C18orf63: variants seen among roughly 807,000 people sequenced by gnomAD.
The protein encoded by C18orf63 is uncharacterized protein C18orf63.
In C18orf63, 50 loss-of-function variants were observed where a neutral mutation model predicts 75.3. The observed-to-expected ratio is 0.66, with a 90% CI of 0.53 to 0.84. The LOEUF (loss-of-function observed/expected upper bound fraction) is 0.84, where lower values mean the gene tolerates loss of function less well. C18orf63 is among the 40% of genes least tolerant of loss of function. The probability of loss-of-function intolerance (pLI) is 0.00; values close to 1 mark genes in which losing one functional copy is unlikely to be tolerated. For synonymous variants in C18orf63, 232 were observed against 267.6 expected (o/e 0.87, Z 1.30); for missense variants, 732 against 800.2 (o/e 0.91, Z 1.03).
chr18:74,355,459 A>G (rs1305860035), intron 13 of C18orf63, among the ~76,000 whole-genome samples: 1 of 151,348 alleles, frequency 6.6e-6, no homozygotes, highest in African/African-American at 2.5e-5. Flanking sequence ...CCCACTTTGA[A>G]CTACTTAAGT....
At position 74,328,990 on chromosome 18, in the gene C18orf63, T is replaced by C; in HGVS notation, c.383-5T>C. 1 of 1,480,546 alleles carries C rather than the reference T, an allele frequency of 6.8e-7. No individual in the cohort carries two copies. The highest frequency in any genetic ancestry group is 9.1e-7 in the Non-Finnish European group (1 of 1,096,418). 91.7% of individuals were successfully genotyped at this position (1,480,546 alleles called of 1,614,324 possible). The stretch of plus-strand genomic sequence containing the variant: ...TAACATGGCATATTCTATGAATTTT[T>C]TAAGGAAGAGATTTTCTTTCTCAGA... On this transcript the variant is annotated splice_polypyrimidine_tract_variant and splice_region_variant and intron_variant, in intron 5 of 13. Transcript: ENST00000579455.
chr18:74,352,048 AG>A (rs1428075988), intron 11 of C18orf63, among the ~76,000 whole-genome samples: 2 of 152,188 alleles, frequency 1.3e-5, no homozygotes, highest in Admixed American at 1.3e-4. Flanking sequence ...ATATAAGTAC[AG>A]TGGAATAGTC....
At position 74,316,040 on chromosome 18, in the gene C18orf63, C is replaced by G. The variant is rs1351636882; in HGVS notation, c.-102C>G. On this transcript the variant is annotated 5_prime_UTR_variant, in exon 1 of 14. Coordinates refer to ENST00000579455, the MANE Select transcript of C18orf63 (RefSeq NM_001174123.2). Reference sequence around the variant, plus strand: ...TGCCGCCCACCCGCCCTTTCCTCCCCCTGAGGAGACGCCTGACGCATCTGC... The same window carrying G: ...TGCCGCCCACCCGCCCTTTCCTCCCGCTGAGGAGACGCCTGACGCATCTGC... 6.6e-6 allele frequency: 1 copy of G among 152,282 alleles called. No individual in the cohort carries two copies. The highest frequency in any genetic ancestry group is 2.1e-4 in the South Asian group (1 of 4,824). 9.4% of individuals were successfully genotyped at this position (152,282 alleles called of 1,614,324 possible). A position where few individuals can be genotyped will look rare whatever the true frequency, so the allele number is the denominator to read the frequency against.
chr18:74,320,398 C>A, intron 2 of C18orf63, 115 bp from the exon 3 acceptor site: 1 of 610,164 alleles, frequency 1.6e-6, no homozygotes, highest in Non-Finnish European at 2.7e-6. Context: ...ATGAGCCAAT[C>A]ACTTCCCACC....
chr18:74,350,134 T>G (rs1324691269), intron 11 of C18orf63, among the ~76,000 whole-genome samples: 1 of 152,112 alleles, frequency 6.6e-6, no homozygotes, highest in Non-Finnish European at 1.5e-5. Flanking sequence ...TTAATGGTGG[T>G]GGTCTCTGCT....
At chr18:74,334,626 T>G (rs1251261389) in intron 7 of C18orf63, among the ~76,000 whole-genome samples, 2 of 152,116 alleles carry the variant, frequency 1.3e-5, no homozygotes, top group African/African-American at 4.8e-5. Flanking sequence ...TTTTTTTCTT[T>G]CATAGTTATT....
At position 74,357,380 on chromosome 18, in the gene C18orf63, G is replaced by A. The variant is rs1306187812; in HGVS notation, c.*933G>A. ...AGCATATGTCCAGAATGACCTTCTA[G>A]TCCATATTACAAATAAATTATCTAA... On this transcript the variant is annotated 3_prime_UTR_variant, in exon 14 of 14. Coordinates refer to ENST00000579455, the MANE Select transcript of C18orf63 (RefSeq NM_001174123.2). 6.6e-6 allele frequency: 1 copy of A among 152,066 alleles called. No individual in the cohort carries two copies. The highest frequency in any genetic ancestry group is 2.4e-5 in the African/African-American group (1 of 41,386). The allele number at this position is 152,066 out of a possible 1,614,324, so 9.4% of individuals were successfully genotyped here.
At chr18:74,339,735 T>C (rs1297867157) in intron 8 of C18orf63, among the ~76,000 whole-genome samples, 5 of 152,126 alleles carry the variant, frequency 3.3e-5, no homozygotes, top group African/African-American at 4.8e-5. Flanking sequence ...ATCTTATGTA[T>C]AGAAAACCCT....
At chr18:74,326,334 C>G (rs1227396447) in intron 4 of C18orf63, among the ~76,000 whole-genome samples, 2 of 152,192 alleles carry the variant, frequency 1.3e-5, no homozygotes, top group East Asian at 3.8e-4. Context: ...TCCTTTTTCA[C>G]AGAGGCAAAG....
At chr18:74,339,586 A>C (rs1984446223) in intron 8 of C18orf63, among the ~76,000 whole-genome samples, 1 of 152,158 alleles carries the variant, frequency 6.6e-6, no homozygotes, top group South Asian at 2.1e-4. Flanking sequence ...CAGGAACAAG[A>C]CAAGGATGCC....
At position 74,343,502 on chromosome 18, in the gene C18orf63, T is replaced by G; in HGVS notation, c.795-17T>G. 6.8e-7 allele frequency: 1 copy of G among 1,474,092 alleles called. No individual in the cohort carries two copies. Among genetic ancestry groups the G allele is most frequent in the Non-Finnish European group, 9.0e-7 (1 of 1,114,098 alleles). The allele number at this position is 1,474,092 out of a possible 1,614,324, so 91.3% of individuals were successfully genotyped here. On this transcript the variant is annotated splice_polypyrimidine_tract_variant and intron_variant, in intron 10 of 13. Coordinates refer to ENST00000579455, the MANE Select transcript of C18orf63 (RefSeq NM_001174123.2). ...CTTATGTAATAAAATCAGACATTGT[T>G]CTTTAACATTGTTCAGATATCCTCT...
chr18:74,330,118 A>G (rs1028321010), intron 6 of C18orf63, among the ~76,000 whole-genome samples: 31 of 152,230 alleles, frequency 2.0e-4, no homozygotes, highest in Non-Finnish European at 4.4e-4. Flanking sequence ...TCATGAGACT[A>G]CAACTGTAGG....
chr18:74,326,335 A>G (rs374659651), intron 4 of C18orf63, among the ~76,000 whole-genome samples: 1 of 152,222 alleles, frequency 6.6e-6, no homozygotes, highest in East Asian at 1.9e-4. Context: ...CCTTTTTCAC[A>G]GAGGCAAAGC....
intron 10 of C18orf63, among the ~76,000 whole-genome samples, chr18:74,343,244 G>A (rs1568238859): frequency 6.6e-6 from 1 of 151,968 alleles, no homozygotes; most frequent in South Asian, 2.1e-4. Flanking sequence ...CTTATAAATC[G>A]TTTTTGGAAT....
rs189867183 is a variant in C18orf63, at chr18:74,342,688, G to T, written c.794+362G>T. Among the ~76,000 whole-genome samples the T allele has an allele frequency of 2.6e-5, 4 of 152,204 alleles. No individual in the cohort carries two copies. The East Asian group carries it at 7.7e-4, about 29-fold the overall frequency. On this transcript the variant is annotated intron_variant, in intron 10 of 13. Coordinates refer to ENST00000579455, the MANE Select transcript of C18orf63 (RefSeq NM_001174123.2). The stretch of plus-strand genomic sequence containing the variant: ...AAGGGTTGAATTAAAAGCTTAGGTT[G>T]TAAACAAAAACAAGATTTTTCTTTT...
intron 13 of C18orf63, among the ~76,000 whole-genome samples, chr18:74,355,103 A>G (rs1207821226): frequency 6.6e-6 from 1 of 152,220 alleles, no homozygotes; most frequent in Non-Finnish European, 1.5e-5. Flanking sequence ...AAGAACAAAC[A>G]TATTACTAAA....
chr18:74,316,762 T>A (rs1568233643), intron 1 of C18orf63, among the ~76,000 whole-genome samples: 2 of 152,198 alleles, frequency 1.3e-5, no homozygotes. Context: ...CACAATATAG[T>A]TCTACAGCCT....
At position 74,344,255 on chromosome 18, in the gene C18orf63, G is replaced by A. The variant is rs78954084; in HGVS notation, c.978+553G>A. Among the ~76,000 whole-genome samples the A allele has an allele frequency of 4.2e-3, 642 of 152,242 alleles. 2 individuals carry two copies. Among genetic ancestry groups the A allele is most frequent in the Non-Finnish European group, 6.5e-3 (442 of 67,982 alleles). On this transcript the variant is annotated intron_variant, in intron 11 of 13. Transcript: ENST00000579455. Reference sequence around the variant, plus strand: ...CATATGGGCATTGGCCTACATCTCAGAGTTTGTCAGAACAAAGCTGTTGAA... The same window carrying A: ...CATATGGGCATTGGCCTACATCTCAAAGTTTGTCAGAACAAAGCTGTTGAA...
chr18:74,357,489 T>C lies in C18orf63; in HGVS notation c.*1042T>C, dbSNP rs1984787883. ...TTTCAAACATTTTATATGTTTGATA[T>C]ACGAAATATTATATAATTGTTGTAA... On this transcript the variant is annotated 3_prime_UTR_variant, in exon 14 of 14. Transcript: ENST00000579455. 1 of 152,212 alleles carries C rather than the reference T, an allele frequency of 6.6e-6. No homozygotes were observed. Among genetic ancestry groups the C allele is most frequent in the African/African-American group, 2.4e-5 (1 of 41,436 alleles). The allele number at this position is 152,212 out of a possible 1,614,324, so 9.4% of individuals were successfully genotyped here. A position where few individuals can be genotyped will look rare whatever the true frequency, so the allele number is the denominator to read the frequency against.
Sources: gnomAD v4.1 joint callset for allele counts (sites outside exome capture counted in the v4.1 genomes callset) on GRCh38, gnomAD v4.1.1 for gene constraint, MANE v1.5 for transcripts, NCBI Gene and HGNC (gene_info 2026-07-23, HGNC 2026-07-21) for gene names.